The following EBF2 variants were observed in gnomAD, a reference collection of about 807,000 sequenced individuals.
The protein encoded by EBF2 is EBF transcription factor 2, also known as transcription factor COE2.
In EBF2, 21 loss-of-function variants were observed where a neutral mutation model predicts 72.8. The observed-to-expected ratio is 0.29, with a 90% CI of 0.20 to 0.42. The LOEUF (loss-of-function observed/expected upper bound fraction) is 0.42, where lower values mean the gene tolerates loss of function less well. Among genes scored for constraint, EBF2 ranks in the 10% least tolerant of loss-of-function variants. EBF2 has a pLI of 1.00. For synonymous variants in EBF2, 299 were observed against 274.2 expected, an observed-to-expected ratio of 1.09 and a Z score of -0.89; for missense variants, 637 against 731.2, an observed-to-expected ratio of 0.87 and a Z score of 1.49.
intron 6 of EBF2, among the ~76,000 whole-genome samples, chr8:25,936,819 C>T (rs1000817573): frequency 2.6e-5 from 4 of 152,186 alleles, no homozygotes; most frequent in African/African-American, 7.2e-5. Flanking sequence ...GCCTTGTCTA[C>T]ACTCTGGAGG....
chr8:25,852,042 AC>A (rs1161927330), intron 14 of EBF2, among the ~76,000 whole-genome samples: 5 of 152,186 alleles, frequency 3.3e-5, no homozygotes, highest in Admixed American at 6.5e-5. Context: ...TTCTCTAAAA[AC>A]ATCTTATCCT....
intron 6 of EBF2, among the ~76,000 whole-genome samples, chr8:25,922,250 TAA>T (rs56689931): frequency 1.0e-4 from 15 of 148,120 alleles, no homozygotes; most frequent in South Asian, 2.1e-4. Flanking sequence ...TGTTTTTGCT[TAA>T]AAAAAAAAAA....
intron 6 of EBF2, among the ~76,000 whole-genome samples, chr8:25,977,153 G>A (rs772253132): frequency 2.6e-5 from 4 of 152,202 alleles, no homozygotes; most frequent in Non-Finnish European, 4.4e-5. Flanking sequence ...TCCCTGGCAC[G>A]GATCTCTGAC....
Position 25,997,349 on chromosome 8 carries a change from C to T in EBF2, c.551+35736G>A, listed in dbSNP as rs184211082. Among the ~76,000 whole-genome samples the T allele has an allele frequency of 5.7e-4, 86 of 152,172 alleles. 1 individual carries two copies. The highest frequency in any genetic ancestry group is 5.0e-3 in the Admixed American group (76 of 15,274). ...ACTTTGGGAGGCCAAGGCAGGCAGA[C>T]GGTTTGAGCTCGGGAATTTGAGACA... is the stretch of plus-strand genomic sequence containing the variant. On this transcript the variant is annotated intron_variant, in intron 6 of 15. Coordinates refer to ENST00000520164, the MANE Select transcript of EBF2 (RefSeq NM_022659.4).
intron 6 of EBF2, among the ~76,000 whole-genome samples, chr8:25,952,196 T>C (rs747245900): frequency 3.2e-4 from 48 of 152,242 alleles, no homozygotes; most frequent in Non-Finnish European, 6.8e-4. Context: ...CTCAGGAGAC[T>C]GAGGCAAGAG....
At chr8:25,941,507 T>C (rs1803670108) in intron 6 of EBF2, among the ~76,000 whole-genome samples, 1 of 152,166 alleles carries the variant, frequency 6.6e-6, no homozygotes, top group Admixed American at 6.5e-5. Context: ...TGCCCAGCTG[T>C]GCTCTCCCTC....
chr8:25,919,799 T>C (rs1283702776), intron 6 of EBF2, among the ~76,000 whole-genome samples: 2 of 152,174 alleles, frequency 1.3e-5, no homozygotes, highest in African/African-American at 4.8e-5. Flanking sequence ...CTCTTCTCCT[T>C]ATCTGGAAGG....
At chr8:25,973,842 AT>A (rs1287062424) in intron 6 of EBF2, among the ~76,000 whole-genome samples, 2 of 151,948 alleles carry the variant, frequency 1.3e-5, no homozygotes, top group African/African-American at 2.4e-5. Context: ...CAAAGGGCTA[AT>A]TTTTGTATTA....
rs1361887452 is a variant in EBF2, at chr8:26,043,767, G to T, written c.131+962C>A. Reference sequence around the variant, plus strand: ...GCCAGGAGGGCAGCAGGGGAAGCGAGGGTAGTGGAAGAAGTTCATCGGCTC... The same window carrying T: ...GCCAGGAGGGCAGCAGGGGAAGCGATGGTAGTGGAAGAAGTTCATCGGCTC... On this transcript the variant is annotated intron_variant, in intron 1 of 15. Coordinates refer to ENST00000520164, the MANE Select transcript of EBF2 (RefSeq NM_022659.4). Among the ~76,000 whole-genome samples the T allele has an allele frequency of 3.3e-5, 5 of 152,190 alleles. No individual in the cohort carries two copies. In the East Asian group the frequency reaches 9.7e-4, roughly 29 times the overall value.
intron 14 of EBF2, among the ~76,000 whole-genome samples, chr8:25,851,877 A>T (rs968894456): frequency 5.3e-5 from 8 of 152,320 alleles, no homozygotes; most frequent in Admixed American, 2.0e-4. Context: ...TCTGATGTCC[A>T]TGGACAACTC....
At chr8:25,968,877 T>C (rs1378963242) in intron 6 of EBF2, among the ~76,000 whole-genome samples, 1 of 152,158 alleles carries the variant, frequency 6.6e-6, no homozygotes, top group African/African-American at 2.4e-5. Context: ...TTTTCTAAGA[T>C]GAAAGTTCTG....
At chr8:25,882,747 C>T (rs1802625127) in intron 10 of EBF2, among the ~76,000 whole-genome samples, 1 of 152,120 alleles carries the variant, frequency 6.6e-6, no homozygotes, top group Admixed American at 6.5e-5. Flanking sequence ...CACTATGAGT[C>T]CAGGTATCTA....
At chr8:26,037,324 C>G (rs949325206) in intron 5 of EBF2, among the ~76,000 whole-genome samples, 1 of 152,176 alleles carries the variant, frequency 6.6e-6, no homozygotes, top group African/African-American at 2.4e-5. Context: ...CAGCCAAACT[C>G]CAGCTCACGA....
chr8:25,886,268 G>A (rs918576781), intron 10 of EBF2, among the ~76,000 whole-genome samples: 7 of 152,242 alleles, frequency 4.6e-5, no homozygotes, highest in South Asian at 2.1e-4. Context: ...CATGTCTTAC[G>A]TGTCATCCAT....
intron 6 of EBF2, among the ~76,000 whole-genome samples, chr8:25,939,590 T>C (rs78633453): frequency 1.1e-3 from 174 of 152,338 alleles, no homozygotes; most frequent in African/African-American, 3.8e-3. Context: ...GGGGCTTCTC[T>C]GCATAAGTTC....
intron 7 of EBF2, among the ~76,000 whole-genome samples, chr8:25,896,062 C>G (rs1802860114): frequency 6.6e-6 from 1 of 152,114 alleles, no homozygotes; most frequent in South Asian, 2.1e-4. Context: ...TTTTCAGCTC[C>G]TACCCAGGTG....
intron 6 of EBF2, among the ~76,000 whole-genome samples, chr8:25,935,268 GA>G (rs1051473990): frequency 5.8e-4 from 88 of 151,876 alleles, no homozygotes; most frequent in African/African-American, 1.7e-3. Context: ...GAAAGGGGGG[GA>G]AAAGCAAGTC....
At position 25,886,873 on chromosome 8, in the gene EBF2, G is replaced by A. The variant is rs1327661047; in HGVS notation, c.891C>T (p.Thr297=). 8 of 1,611,556 alleles carry A rather than the reference G, an allele frequency of 5.0e-6. No individual in the cohort carries two copies. In the East Asian group the frequency reaches 6.7e-5, roughly 13 times the overall value. Residue 297 remains threonine, a synonymous_variant, in exon 10 of 16, where the codon ACC becomes ACT. Transcript: ENST00000520164. ...GTMLVWSELI[T]PHAIRVQTPP... ...GAGTCTGTACTCTGATGGCATGAGG[G>A]GTTATTAGCTGAGGAATGAACAGGC...
chr8:25,959,919 A>T (rs1182751208), intron 6 of EBF2, among the ~76,000 whole-genome samples: 1 of 152,236 alleles, frequency 6.6e-6, no homozygotes, highest in Non-Finnish European at 1.5e-5. Context: ...CATTCTATGG[A>T]TGAGACACCA....
Sources: allele counts gnomAD v4.1 joint callset (sites outside exome capture counted in the v4.1 genomes callset), GRCh38; gene constraint gnomAD v4.1.1; transcripts MANE v1.5; gene names NCBI Gene and HGNC (gene_info 2026-07-23, HGNC 2026-07-21).